CUX2: variants seen among roughly 807,000 people sequenced by gnomAD.
CUX2 encodes homeobox protein cut-like 2.
In CUX2, 40 loss-of-function variants were observed where a neutral mutation model predicts 144.8. The observed-to-expected ratio is 0.28, with a 90% CI of 0.21 to 0.36. The LOEUF is 0.36. CUX2 is among the 10% of genes least tolerant of loss of function. The pLI is 1.00. For missense variants in CUX2, 1,615 were observed against 1,994.0 expected (o/e 0.81, Z 3.62); for synonymous variants, 827 against 875.6 (o/e 0.94, Z 0.98).
chr12:111,056,340 G>A (rs575367124), intron 1 of CUX2, among the ~76,000 whole-genome samples: 9 of 152,362 alleles, frequency 5.9e-5, no homozygotes, highest in Admixed American at 2.6e-4. Flanking sequence ...ACGGAGCCCA[G>A]TTGGTTCAGC....
intron 1 of CUX2, among the ~76,000 whole-genome samples, chr12:111,076,257 A>G (rs1467464650): frequency 1.3e-5 from 2 of 152,258 alleles, no homozygotes; most frequent in Non-Finnish European, 2.9e-5. Flanking sequence ...GACTTTATCC[A>G]GAACTGATCT....
At chr12:111,338,578 C>A in intron 20 of CUX2, 104 bp downstream of exon 20, 1 of 1,085,150 alleles carries the variant, frequency 9.2e-7, no homozygotes, top group South Asian at 1.6e-5. Flanking sequence ...ATGGTCCAGT[C>A]TCAGCCTACT....
Position 111,277,614 on chromosome 12 carries a change from C to T in CUX2, c.301+13775C>T, listed in dbSNP as rs1884939765. On this transcript the variant is annotated intron_variant, in intron 4 of 21. Coordinates refer to ENST00000261726, the MANE Select transcript of CUX2 (RefSeq NM_015267.4). This position sits in a 1 kb window ranked among gnomAD's most constrained non-coding sequence, Gnocchi z 5.0. ...CCTCACCCATCCTTTGTCCATCATT[C>T]CCTCTAGAGTGTCAGCCCCAGGAGG... is the stretch of plus-strand genomic sequence containing the variant. 1.3e-5 allele frequency among the ~76,000 whole-genome samples: 2 copies of T among 152,120 alleles called. No homozygotes were observed. The highest frequency in any genetic ancestry group is 4.8e-5 in the African/African-American group (2 of 41,426).
Position 111,322,344 on chromosome 12 carries a change from A to AT in CUX2, c.2767-77_2767-76insT. 91 of 1,050,698 alleles carry AT rather than the reference A, an allele frequency of 8.7e-5. No individual in the cohort carries two copies. Among genetic ancestry groups the AT allele is most frequent in the Non-Finnish European group, 1.1e-4 (86 of 779,970 alleles). The allele number at this position is 1,050,698 out of a possible 1,614,324, so 65.1% of individuals were successfully genotyped here. A position where few individuals can be genotyped will look rare whatever the true frequency, so the allele number is the denominator to read the frequency against. Reference sequence around the variant, plus strand: ...CTCAAAAAAAAAAAAAAAAAAAAAAAGGTTGGGGAGGAGAGTGAGGGCCAG... The same window carrying AT: ...CTCAAAAAAAAAAAAAAAAAAAAAAATGGTTGGGGAGGAGAGTGAGGGCCAG... On this transcript the variant is annotated intron_variant, in intron 17 of 21. Transcript: ENST00000261726. This position sits in a 1 kb window ranked among gnomAD's most constrained non-coding sequence, Gnocchi z 4.2.
chr12:111,284,729 C>T (rs542974418), intron 4 of CUX2, among the ~76,000 whole-genome samples: 1 of 152,322 alleles, frequency 6.6e-6, no homozygotes, highest in South Asian at 2.1e-4. Context: ...GAGCTCACCT[C>T]CCGCTTCTTG....
chr12:111,313,994 C>A (rs555445992), intron 16 of CUX2, among the ~76,000 whole-genome samples: 5 of 152,146 alleles, frequency 3.3e-5, no homozygotes, highest in Non-Finnish European at 7.4e-5. Flanking sequence ...CTCCAGTTGC[C>A]GCCAGGAGCC....
chr12:111,295,230 C>T lies in CUX2; in HGVS notation c.561-103C>T, dbSNP rs1018595911. ...TGCAGAAAGACAGAGGTGCAGGTTA[C>T]AGGGAGTGGGCAAGGGGTAGGAAGC... On this transcript the variant is annotated intron_variant, in intron 6 of 21. Coordinates refer to ENST00000261726, the MANE Select transcript of CUX2 (RefSeq NM_015267.4). The surrounding 1 kb of genome is among the most constrained non-coding windows in gnomAD (Gnocchi z 5.0). 1.7e-4 allele frequency: 159 copies of T among 917,304 alleles called. No individual in the cohort carries two copies. The highest frequency in any genetic ancestry group is 1.8e-4 in the Non-Finnish European group (110 of 597,052). 56.8% of individuals were successfully genotyped at this position (917,304 alleles called of 1,614,324 possible). A position where few individuals can be genotyped will look rare whatever the true frequency, so the allele number is the denominator to read the frequency against.
Position 111,257,477 on chromosome 12 carries a change from TC to T in CUX2, c.223-6279del, listed in dbSNP as rs139879955. 9.1e-3 allele frequency among the ~76,000 whole-genome samples: 184 copies of T among 20,162 alleles called. 37 individuals carry two copies. The East Asian group carries it at 0.1, about 11-fold the overall frequency. 13.2% of individuals were successfully genotyped at this position (20,162 alleles called of 152,430 possible). ...TCTTCCTCCCCCTCCCACTTCTTCC[TC>T]CCCCTCCCACTTCTTCCTCCCCCTC... is the stretch of plus-strand genomic sequence containing the variant. On this transcript the variant is annotated intron_variant, in intron 3 of 21. Transcript: ENST00000261726.
intron 1 of CUX2, among the ~76,000 whole-genome samples, chr12:111,206,533 G>C (rs557036834): frequency 6.6e-6 from 1 of 152,204 alleles, no homozygotes; most frequent in South Asian, 2.1e-4. Context: ...AGTGTATGTC[G>C]GCACATAGTG....
intron 1 of CUX2, among the ~76,000 whole-genome samples, chr12:111,087,847 C>T (rs1872327511): frequency 6.6e-6 from 1 of 152,174 alleles, no homozygotes; most frequent in South Asian, 2.1e-4. Flanking sequence ...AAAACCTGCA[C>T]ACAAATGTTC....
chr12:111,170,285 C>T (rs1021419090), intron 1 of CUX2, among the ~76,000 whole-genome samples: 3 of 151,952 alleles, frequency 2.0e-5, no homozygotes, highest in East Asian at 1.9e-4. Flanking sequence ...CAAAATTAGC[C>T]GGGAGTGGTG....
At chr12:111,221,478 G>A (rs1386941813) in intron 3 of CUX2, among the ~76,000 whole-genome samples, 2 of 152,068 alleles carry the variant, frequency 1.3e-5, no homozygotes, top group African/African-American at 2.4e-5. Context: ...CTGGCACTGC[G>A]ATTCCCAAGT....
intron 4 of CUX2, among the ~76,000 whole-genome samples, chr12:111,285,465 A>G (rs140682431): frequency 2.0e-5 from 3 of 152,342 alleles, no homozygotes; most frequent in Middle Eastern, 3.4e-3. Context: ...CGGCCGAGCC[A>G]TGAACCACCC....
At chr12:111,305,035 G>T (rs934065421) in intron 10 of CUX2, among the ~76,000 whole-genome samples, 1 of 152,188 alleles carries the variant, frequency 6.6e-6, no homozygotes, top group Non-Finnish European at 1.5e-5. Flanking sequence ...CTTGTGTTAG[G>T]CCTGATTAAT....
chr12:111,228,573 G>T (rs1882300285), intron 3 of CUX2, among the ~76,000 whole-genome samples: 1 of 152,066 alleles, frequency 6.6e-6, no homozygotes. Flanking sequence ...ACAGGCCCGT[G>T]CCACCATGCC....
intron 18 of CUX2, among the ~76,000 whole-genome samples, chr12:111,324,501 T>C (rs1021368321): frequency 1.3e-5 from 2 of 148,278 alleles, no homozygotes; most frequent in Non-Finnish European, 3.0e-5. Flanking sequence ...TGTTTTGTTT[T>C]GTTTTTGTTT....
At chr12:111,316,902 G>A (rs1196341555) in intron 16 of CUX2, among the ~76,000 whole-genome samples, 3 of 152,016 alleles carry the variant, frequency 2.0e-5, no homozygotes, top group East Asian at 3.9e-4. Flanking sequence ...TCTCCCCCCA[G>A]CCCCTGGAAA....
chr12:111,237,944 G>A (rs1565866337), intron 3 of CUX2, among the ~76,000 whole-genome samples: 1 of 152,174 alleles, frequency 6.6e-6, no homozygotes, highest in Non-Finnish European at 1.5e-5. Flanking sequence ...ATTGTAGGAT[G>A]TTAGCAGCAT....
At chr12:111,091,996 A>G (rs1872584925) in intron 1 of CUX2, among the ~76,000 whole-genome samples, 1 of 152,264 alleles carries the variant, frequency 6.6e-6, no homozygotes, top group South Asian at 2.1e-4. Flanking sequence ...CTGGGACTGC[A>G]GGCATGAGCC....
Sources: allele counts gnomAD v4.1 joint callset (sites outside exome capture counted in the v4.1 genomes callset), GRCh38; gene constraint gnomAD v4.1.1; non-coding constraint Gnocchi (gnomAD v3.1); transcripts MANE v1.5; gene names NCBI Gene and HGNC (gene_info 2026-07-23, HGNC 2026-07-21).